ZFAND3: variants seen among roughly 807,000 people sequenced by gnomAD.
The protein encoded by ZFAND3 is AN1-type zinc finger protein 3.
In ZFAND3, 10 loss-of-function variants were observed where a neutral mutation model predicts 29.6. The ratio of observed to expected loss-of-function variants is 0.34; its 90% CI spans 0.21 to 0.57. ZFAND3 has a LOEUF of 0.57. Ranked by LOEUF, ZFAND3 falls within the 20% of genes least tolerant of loss-of-function variation. ZFAND3 has a pLI of 0.86. For synonymous variants in ZFAND3, 128 were observed against 112.6 expected, an observed-to-expected ratio of 1.14 and a Z score of -0.87; for missense variants, 230 against 304.5, an observed-to-expected ratio of 0.76 and a Z score of 1.82.
intron 2 of ZFAND3, among the ~76,000 whole-genome samples, chr6:37,981,769 G>T (rs12209653): frequency 0.064 from 9,727 of 152,130 alleles, 427 homozygotes; most frequent in Middle Eastern, 0.095. Flanking sequence ...TCTCAATTTA[G>T]GAAGTTTATT....
chr6:37,981,213 G>T (rs1351764503), intron 2 of ZFAND3, among the ~76,000 whole-genome samples: 1 of 152,074 alleles, frequency 6.6e-6, no homozygotes, highest in Admixed American at 6.6e-5. Context: ...GACTTAGGAT[G>T]GTATTTTCTT....
At chr6:38,006,156 T>G (rs1289538322) in intron 2 of ZFAND3, among the ~76,000 whole-genome samples, 2 of 152,250 alleles carry the variant, frequency 1.3e-5, no homozygotes, top group Non-Finnish European at 2.9e-5. Context: ...AAGGTAATCA[T>G]CTTCCCATTA....
intron 4 of ZFAND3, among the ~76,000 whole-genome samples, chr6:38,103,684 C>T (rs1422816671): frequency 6.6e-6 from 1 of 152,058 alleles, no homozygotes; most frequent in Non-Finnish European, 1.5e-5. Flanking sequence ...TGTACGAACA[C>T]TGTACAAATC....
intron 2 of ZFAND3, among the ~76,000 whole-genome samples, chr6:37,940,480 T>G (rs1761792251): frequency 6.6e-6 from 1 of 152,242 alleles, no homozygotes; most frequent in South Asian, 2.1e-4. Flanking sequence ...CTTTAAAAGC[T>G]TCAGTGCTTA....
At chr6:38,114,633 A>G (rs558031997) in intron 4 of ZFAND3, among the ~76,000 whole-genome samples, 1 of 152,238 alleles carries the variant, frequency 6.6e-6, no homozygotes, top group African/African-American at 2.4e-5. Context: ...GGGCTGGGGG[A>G]CTATGAGCAA....
chr6:38,008,027 A>G (rs1366492950), intron 2 of ZFAND3, among the ~76,000 whole-genome samples: 8 of 152,192 alleles, frequency 5.3e-5, no homozygotes, highest in South Asian at 2.1e-4. Flanking sequence ...CTGGATCAGA[A>G]CCTGCATTTT....
rs1766312703 is a variant in ZFAND3, at chr6:38,154,530, G to A, written c.*2141G>A. 1 of 978,822 alleles carries A rather than the reference G, an allele frequency of 1.0e-6. No homozygotes were observed. The highest frequency in any genetic ancestry group is 4.7e-5 in the South Asian group (1 of 21,148). 60.6% of individuals were successfully genotyped at this position (978,822 alleles called of 1,614,324 possible). Reference sequence around the variant, plus strand: ...ACTTACACACATAGCCTAGAGCTCAGTTTTAGTTTTAACATTGTGAAAATA... The same window carrying A: ...ACTTACACACATAGCCTAGAGCTCAATTTTAGTTTTAACATTGTGAAAATA... On this transcript the variant is annotated 3_prime_UTR_variant, in exon 6 of 6. Coordinates refer to ENST00000287218, the MANE Select transcript of ZFAND3 (RefSeq NM_021943.3).
intron 1 of ZFAND3, among the ~76,000 whole-genome samples, chr6:37,842,067 C>T (rs1764088004): frequency 6.6e-6 from 1 of 152,124 alleles, no homozygotes; most frequent in Non-Finnish European, 1.5e-5. Flanking sequence ...CTCCCTTCAT[C>T]CTCTTTTATA....
chr6:38,133,642 C>T (rs867404469), intron 5 of ZFAND3, among the ~76,000 whole-genome samples: 1 of 151,310 alleles, frequency 6.6e-6, no homozygotes, highest in Non-Finnish European at 1.5e-5. Context: ...CCCAGCTACT[C>T]GGGAGGCTGA....
intron 1 of ZFAND3, among the ~76,000 whole-genome samples, chr6:37,838,542 G>A (rs1764011809): frequency 1.3e-5 from 2 of 152,184 alleles, no homozygotes; most frequent in Admixed American, 1.3e-4. Flanking sequence ...CTATGGATTT[G>A]CCAGTTCTGG....
chr6:38,070,537 C>T (rs1431674203), intron 3 of ZFAND3, among the ~76,000 whole-genome samples: 1 of 151,894 alleles, frequency 6.6e-6, no homozygotes, highest in East Asian at 1.9e-4. Context: ...GGAGATCTGC[C>T]TTACTCCTGC....
intron 2 of ZFAND3, among the ~76,000 whole-genome samples, chr6:37,989,278 GTCTC>G (rs1267003327): frequency 6.6e-6 from 1 of 152,192 alleles, no homozygotes; most frequent in Non-Finnish European, 1.5e-5. Flanking sequence ...AACTGGCAAA[GTCTC>G]TATCTTAAAA....
At chr6:38,126,165 TTTTAA>T (rs1226465134) in intron 5 of ZFAND3, among the ~76,000 whole-genome samples, 2 of 152,236 alleles carry the variant, frequency 1.3e-5, no homozygotes, top group Admixed American at 1.3e-4. Context: ...TTTTCTACAA[TTTTAA>T]TATCAGTGGA....
chr6:37,873,859 A>G (rs2127389050), intron 1 of ZFAND3, among the ~76,000 whole-genome samples: 1 of 152,344 alleles, frequency 6.6e-6, no homozygotes, highest in African/African-American at 2.4e-5. Context: ...CGAATAAGGA[A>G]TAAATGTGAC....
intron 2 of ZFAND3, among the ~76,000 whole-genome samples, chr6:37,955,235 T>A (rs190157021): frequency 1.3e-5 from 2 of 152,270 alleles, no homozygotes; most frequent in East Asian, 3.9e-4. Context: ...TTTGGCAGTC[T>A]ATTGGTTGTT....
At chr6:38,039,554 G>T (rs1246757351) in intron 2 of ZFAND3, among the ~76,000 whole-genome samples, 1 of 152,166 alleles carries the variant, frequency 6.6e-6, no homozygotes, top group Non-Finnish European at 1.5e-5. Context: ...TAAATTAGAT[G>T]CATATGTGTC....
At chr6:37,837,195 TGAG>T (rs1174463297) in intron 1 of ZFAND3, among the ~76,000 whole-genome samples, 2 of 152,260 alleles carry the variant, frequency 1.3e-5, no homozygotes, top group East Asian at 1.9e-4. Context: ...TGAGGTAAGA[TGAG>T]GGGACAGACT....
intron 3 of ZFAND3, among the ~76,000 whole-genome samples, chr6:38,079,302 T>A (rs1764612972): frequency 6.6e-6 from 1 of 152,294 alleles, no homozygotes; most frequent in Admixed American, 6.5e-5. Flanking sequence ...CAACTATGGT[T>A]CCATTTGTAC....
intron 2 of ZFAND3, among the ~76,000 whole-genome samples, chr6:38,016,007 A>G (rs1198253693): frequency 6.6e-6 from 1 of 152,232 alleles, no homozygotes; most frequent in Non-Finnish European, 1.5e-5. Flanking sequence ...CATTGAGGGT[A>G]GTATGTTTAT....
Sources: gnomAD v4.1 joint callset for allele counts (sites outside exome capture counted in the v4.1 genomes callset) on GRCh38, gnomAD v4.1.1 for gene constraint, MANE v1.5 for transcripts, NCBI Gene and HGNC (gene_info 2026-07-23, HGNC 2026-07-21) for gene names.